CNIH1: variants seen among roughly 807,000 people sequenced by gnomAD.
The protein encoded by CNIH1 is cornichon family member 1, also known as protein cornichon homolog 1.
A neutral mutation model predicts 20.2 loss-of-function variants in CNIH1; 12 were observed. The observed-to-expected ratio is 0.59, with a 90% CI of 0.38 to 0.96. CNIH1 has a LOEUF of 0.96. Ranked by LOEUF, CNIH1 falls within the 40% of genes least tolerant of loss-of-function variation. The pLI, the probability that CNIH1 is intolerant of heterozygous loss-of-function variation, is 0.00. For missense variants in CNIH1, 152 were observed against 178.8 expected (o/e 0.85, Z 0.85); for synonymous variants, 69 against 63.3 (o/e 1.09, Z -0.43).
At chr14:54,430,725 C>T (rs989816543) in intron 3 of CNIH1, among the ~76,000 whole-genome samples, 1 of 152,176 alleles carries the variant, frequency 6.6e-6, no homozygotes, top group African/African-American at 2.4e-5. Flanking sequence ...AGAAAAGATA[C>T]AAGAACCTTT....
rs368797544 is a variant in CNIH1 at position 54,437,978 on chromosome 14, G to GT, written c.82-1542dup. ...ACATTTTCTCCAGGTGACTTCAAGGGTTTTTTTTTTTTTTTTCTTGAGACA... is the reference window on the plus strand; with the variant it reads ...ACATTTTCTCCAGGTGACTTCAAGGGTTTTTTTTTTTTTTTTTCTTGAGACA... On this transcript the variant is annotated intron_variant, in intron 1 of 4. Transcript: ENST00000216416. Among the ~76,000 whole-genome samples the GT allele has an allele frequency of 5.8e-3, 826 of 141,724 alleles. 1 individual carries two copies. Among genetic ancestry groups the GT allele is most frequent in the African/African-American group, 9.1e-3 (352 of 38,570 alleles). The allele number at this position is 141,724 out of a possible 152,430, so 93.0% of individuals were successfully genotyped here. A position where few individuals can be genotyped will look rare whatever the true frequency, so the allele number is the denominator to read the frequency against.
At chr14:54,440,126 C>T (rs1292272237) in intron 1 of CNIH1, among the ~76,000 whole-genome samples, 1 of 152,168 alleles carries the variant, frequency 6.6e-6, no homozygotes, top group Non-Finnish European at 1.5e-5. Flanking sequence ...CTTCCACTTT[C>T]GAGACTTTTT....
At chr14:54,435,251 CA>C (rs1345008313) in intron 2 of CNIH1, among the ~76,000 whole-genome samples, 1 of 151,860 alleles carries the variant, frequency 6.6e-6, no homozygotes, top group Non-Finnish European at 1.5e-5. Flanking sequence ...GGCAAAAATA[CA>C]AAAAAACAAA....
Position 54,441,264 on chromosome 14 carries a change from AGAT to A in CNIH1, c.61_63del (p.Ile21del). 6.6e-7 allele frequency: 1 copy of A among 1,519,184 alleles called. No homozygotes were observed. The highest frequency in any genetic ancestry group is 8.8e-7 in the Non-Finnish European group (1 of 1,131,204). The allele number at this position is 1,519,184 out of a possible 1,614,324, so 94.1% of individuals were successfully genotyped here. The stretch of plus-strand genomic sequence containing the variant: ...CTACTCACGTGCCAAATGGCGAAGA[AGAT>A]GAGCGCGGCAGTGAGCAGCAGCGCC... On this transcript the variant is annotated inframe_deletion, in exon 1 of 5. Coordinates refer to ENST00000216416, the MANE Select transcript of CNIH1 (RefSeq NM_005776.3).
At position 54,426,275 on chromosome 14, in the gene CNIH1, C is replaced by T. The variant is rs2030825117; in HGVS notation, c.*1539G>A. The T allele has an allele frequency of 6.6e-6, 1 of 152,140 alleles. No individual in the cohort carries two copies. The highest frequency in any genetic ancestry group is 2.1e-4 in the South Asian group (1 of 4,832). 9.4% of individuals were successfully genotyped at this position (152,140 alleles called of 1,614,324 possible). A position where few individuals can be genotyped will look rare whatever the true frequency, so the allele number is the denominator to read the frequency against. On this transcript the variant is annotated 3_prime_UTR_variant, in exon 5 of 5. Transcript: ENST00000216416. ...TCCTCAACATACTCACCCCCATTACCCAGAATAGTTAACAGCTACTCTCTC... is the reference window on the plus strand; with the variant it reads ...TCCTCAACATACTCACCCCCATTACTCAGAATAGTTAACAGCTACTCTCTC...
chr14:54,428,080 AG>A (rs1206396561), intron 4 of CNIH1, among the ~76,000 whole-genome samples: 1 of 152,208 alleles, frequency 6.6e-6, no homozygotes, highest in Non-Finnish European at 1.5e-5. Context: ...AGAACGGCAC[AG>A]CTGAAAGCTT....
intron 1 of CNIH1, among the ~76,000 whole-genome samples, chr14:54,438,641 C>T (rs1357158476): frequency 6.6e-6 from 1 of 152,164 alleles, no homozygotes; most frequent in Non-Finnish European, 1.5e-5. Context: ...AAAAAACATT[C>T]TCTAATACAG....
In CNIH1 at chr14:54,424,496, C is replaced by T. The variant is rs1365347791; in HGVS notation, c.*3318G>A. The T allele has an allele frequency of 6.6e-6, 1 of 152,196 alleles. No individual in the cohort carries two copies. The highest frequency in any genetic ancestry group is 2.4e-5 in the African/African-American group (1 of 41,430). 9.4% of individuals were successfully genotyped at this position (152,196 alleles called of 1,614,324 possible). A position where few individuals can be genotyped will look rare whatever the true frequency, so the allele number is the denominator to read the frequency against. On this transcript the variant is annotated 3_prime_UTR_variant, in exon 5 of 5. Coordinates refer to ENST00000216416, the MANE Select transcript of CNIH1 (RefSeq NM_005776.3). ...TATAACCACACCTAAGGTGAAAGCTCACCCCTACAGGGTATAAGTGATACA... is the reference window on the plus strand; with the variant it reads ...TATAACCACACCTAAGGTGAAAGCTTACCCCTACAGGGTATAAGTGATACA...
rs192032321 is a variant in CNIH1 at position 54,432,351 on chromosome 14, C to T, written c.151-131G>A. On this transcript the variant is annotated intron_variant, in intron 2 of 4. Transcript: ENST00000216416. ...TTCTTAGACTCAGAAATAAAAGATG[C>T]TACTGAGTTTTATTTCCATGTTTAA... The T allele has an allele frequency of 4.1e-5, 21 of 509,602 alleles. 1 individual carries two copies. The East Asian group carries it at 4.4e-4, about 11-fold the overall frequency. 31.6% of individuals were successfully genotyped at this position (509,602 alleles called of 1,614,324 possible).
intron 3 of CNIH1, among the ~76,000 whole-genome samples, chr14:54,430,787 TTTCTCA>T (rs1566716235): frequency 6.6e-6 from 1 of 152,196 alleles, no homozygotes; most frequent in Non-Finnish European, 1.5e-5. Context: ...TCTCCTTCTC[TTTCTCA>T]TTCTGAGTAC....
In CNIH1 at chr14:54,427,824, A is replaced by G. The variant is rs1480138901; in HGVS notation, c.425T>C (p.Val142Ala). The G allele has an allele frequency of 6.2e-7, 1 of 1,613,808 alleles. No homozygotes were observed. The highest frequency in any genetic ancestry group is 8.5e-7 in the Non-Finnish European group (1 of 1,179,916). The change falls in exon 5 of 5, where the codon GTG (valine) becomes GCG (alanine). Residue 142 changes from valine to alanine, a missense_variant. Transcript: ENST00000216416. ...YYLYGMIYVLVSS is the reference protein window; with the variant it reads ...YYLYGMIYVLASS Reference sequence around the variant, plus strand: ...CTTCTGTGTGTTGTTCTAAGAGCTCACCAAAACATAGATCATGCTGAAAAG... The same window carrying G: ...CTTCTGTGTGTTGTTCTAAGAGCTCGCCAAAACATAGATCATGCTGAAAAG...
intron 3 of CNIH1, among the ~76,000 whole-genome samples, chr14:54,430,894 C>T (rs960455993): frequency 1.3e-5 from 2 of 152,034 alleles, no homozygotes; most frequent in Non-Finnish European, 2.9e-5. Flanking sequence ...TATAGTGGTG[C>T]AATCTTGGCT....
In CNIH1 at chr14:54,427,454, C is replaced by A; in HGVS notation, c.*360G>T. The stretch of plus-strand genomic sequence containing the variant: ...CTGTTTCAATGAAACCAAAATGAGC[C>A]CTACAAGTTCCTATAAACAAAAGCT... On this transcript the variant is annotated 3_prime_UTR_variant, in exon 5 of 5. Coordinates refer to ENST00000216416, the MANE Select transcript of CNIH1 (RefSeq NM_005776.3). 2 of 198,308 alleles carry A rather than the reference C, an allele frequency of 1.0e-5. No individual in the cohort carries two copies. The highest frequency in any genetic ancestry group is 5.8e-5 in the Admixed American group (1 of 17,182). 12.3% of individuals were successfully genotyped at this position (198,308 alleles called of 1,614,324 possible).
intron 1 of CNIH1, among the ~76,000 whole-genome samples, chr14:54,438,612 C>T (rs1418821981): frequency 6.6e-6 from 1 of 152,158 alleles, no homozygotes; most frequent in African/African-American, 2.4e-5. Context: ...ACTAAATTGA[C>T]AGATATAATC....
chr14:54,440,506 C>T (rs999097876), intron 1 of CNIH1, among the ~76,000 whole-genome samples: 1 of 152,154 alleles, frequency 6.6e-6, no homozygotes, highest in Admixed American at 6.5e-5. Context: ...AATACTGCCC[C>T]AGAAAAGCTT....
At chr14:54,430,512 G>A in intron 3 of CNIH1, 108 bp from the exon 4 acceptor site, 1 of 1,060,758 alleles carries the variant, frequency 9.4e-7, no homozygotes, top group Non-Finnish European at 1.3e-6. Context: ...TCCATAAAGG[G>A]AAGCATTCTT....
Position 54,441,319 on chromosome 14 carries a change from G to A in CNIH1, c.9C>T (p.Phe3=). 2 of 1,512,622 alleles carry A rather than the reference G, an allele frequency of 1.3e-6. No homozygotes were observed. Among genetic ancestry groups the A allele is most frequent in the Non-Finnish European group, 1.8e-6 (2 of 1,125,900 alleles). The allele number at this position is 1,512,622 out of a possible 1,614,324, so 93.7% of individuals were successfully genotyped here. Residue 3 remains phenylalanine (F), a synonymous_variant, in exon 1 of 5, where the codon TTC becomes TTT. Coordinates refer to ENST00000216416, the MANE Select transcript of CNIH1 (RefSeq NM_005776.3). ...GCATGTAGCAGAAGGCCGCGAACGT[G>A]AACGCCATGGCTGGGGAGGAGGAGC... is the stretch of plus-strand genomic sequence containing the variant. MA[F]TFAAFCYMLA...
chr14:54,440,880 G>A (rs1347264386), intron 1 of CNIH1, among the ~76,000 whole-genome samples: 5 of 152,156 alleles, frequency 3.3e-5, no homozygotes, highest in Non-Finnish European at 4.4e-5. Flanking sequence ...TTCACACTAC[G>A]GCCGTCCCAC....
At chr14:54,429,953 C>G (rs560969452) in intron 4 of CNIH1, among the ~76,000 whole-genome samples, 2 of 152,260 alleles carry the variant, frequency 1.3e-5, no homozygotes, top group African/African-American at 4.8e-5. Flanking sequence ...CTCACACATC[C>G]CTATCCTTCA....
Sources: allele counts gnomAD v4.1 joint callset (sites outside exome capture counted in the v4.1 genomes callset), GRCh38; gene constraint gnomAD v4.1.1; transcripts MANE v1.5; gene names NCBI Gene and HGNC (gene_info 2026-07-23, HGNC 2026-07-21).